Variants in WDR33 observed in about 807,000 individuals in gnomAD.
WDR33 encodes WD repeat domain 33, also known as pre-mRNA 3' end processing protein WDR33.
A neutral mutation model predicts 164.9 loss-of-function variants in WDR33; 47 were observed. The observed-to-expected ratio is 0.29, with a 90% confidence interval of 0.23 to 0.36. WDR33 has a LOEUF of 0.36. WDR33 is among the 10% of genes least tolerant of loss of function. WDR33 has a pLI of 1.00. For synonymous variants in WDR33, 505 were observed against 589.0 expected (o/e 0.86, Z 2.06); for missense variants, 1,137 against 1,754.1 (o/e 0.65, Z 6.28).
chr2:127,796,830 G>C (rs1487882350), intron 1 of WDR33, among the ~76,000 whole-genome samples: 1 of 152,030 alleles, frequency 6.6e-6, no homozygotes, highest in African/African-American at 2.4e-5. Context: ...CTGGTTGTTT[G>C]AATTTTGAAT....
chr2:127,758,574 G>A (rs536454261), intron 7 of WDR33, among the ~76,000 whole-genome samples: 2 of 152,116 alleles, frequency 1.3e-5, no homozygotes, highest in Admixed American at 6.6e-5. Context: ...AAATCAAGAA[G>A]GTAAAACAAA....
rs13021416 is a variant in WDR33, at chr2:127,780,042, C to G, written c.-23-9038G>C. 6.7e-4 allele frequency among the ~76,000 whole-genome samples: 100 copies of G among 149,270 alleles called. 1 individual carries two copies. The highest frequency in any genetic ancestry group is 1.0e-3 in the Non-Finnish European group (70 of 67,710). ...AGGCTAGAGTGCAGTGGTGCGATCT[C>G]GGCTCACTGCAAGCTCCGCCTCCCG... On this transcript the variant is annotated intron_variant, in intron 1 of 21. Transcript: ENST00000322313.
At chr2:127,754,788 C>T (rs1184946359) in intron 7 of WDR33, among the ~76,000 whole-genome samples, 1 of 151,866 alleles carries the variant, frequency 6.6e-6, no homozygotes, top group African/African-American at 2.4e-5. Context: ...TGTCCTATAT[C>T]CTTCTCATCC....
intron 7 of WDR33, among the ~76,000 whole-genome samples, chr2:127,750,040 G>A (rs570773049): frequency 4.0e-5 from 6 of 151,588 alleles, no homozygotes; most frequent in Non-Finnish European, 8.8e-5. Flanking sequence ...TGTGGGGAGG[G>A]AGGGACAGGG....
chr2:127,809,091 C>T (rs1689545613), intron 1 of WDR33, among the ~76,000 whole-genome samples: 1 of 148,696 alleles, frequency 6.7e-6, no homozygotes, highest in Non-Finnish European at 1.5e-5. Flanking sequence ...AAATTTTTCA[C>T]TAATATCTTT....
In WDR33 at chr2:127,763,179, A is replaced by G. The variant is rs1210709210; in HGVS notation, c.627-20T>C. Reference sequence around the variant, plus strand: ...GAGAAACTGTTACATGAAGACACACAGCAGGGGAAAGAAGTCAGCATTTAA... The same window carrying G: ...GAGAAACTGTTACATGAAGACACACGGCAGGGGAAAGAAGTCAGCATTTAA... On this transcript the variant is annotated intron_variant, in intron 6 of 21. Coordinates refer to ENST00000322313, the MANE Select transcript of WDR33 (RefSeq NM_018383.5). This position sits in a 1 kb window ranked among gnomAD's most constrained non-coding sequence, Gnocchi z 4.5. 6.2e-7 allele frequency: 1 copy of G among 1,613,836 alleles called. No homozygotes were observed. The highest frequency in any genetic ancestry group is 8.5e-7 in the Non-Finnish European group (1 of 1,179,842).
chr2:127,724,813 A>C lies in WDR33; in HGVS notation c.1085+74T>G. On this transcript the variant is annotated intron_variant, in intron 10 of 21. Coordinates refer to ENST00000322313, the MANE Select transcript of WDR33 (RefSeq NM_018383.5). This position sits in a 1 kb window ranked among gnomAD's most constrained non-coding sequence, Gnocchi z 4.8. ...TATATGAACACTTAGAAAAGCTACA[A>C]AACTATCATGTCTGCACACATTCAC... 2 of 1,519,606 alleles carry C rather than the reference A, an allele frequency of 1.3e-6. No homozygotes were observed. The highest frequency in any genetic ancestry group is 2.3e-5 in the South Asian group (2 of 88,540). 94.1% of individuals were successfully genotyped at this position (1,519,606 alleles called of 1,614,324 possible).
chr2:127,753,601 A>G lies in WDR33; in HGVS notation c.724+9461T>C, dbSNP rs149574503. Among the ~76,000 whole-genome samples, 104 of 152,352 alleles carry G rather than the reference A, an allele frequency of 6.8e-4. No homozygotes were observed. The East Asian group carries it at 0.02, about 29-fold the overall frequency. ...AAACTGTGACTAACATTCAGCTTCT[A>G]GAGTTTGTGATTGTAATCATATGCA... is the stretch of plus-strand genomic sequence containing the variant. On this transcript the variant is annotated intron_variant, in intron 7 of 21. Coordinates refer to ENST00000322313, the MANE Select transcript of WDR33 (RefSeq NM_018383.5).
chr2:127,772,048 C>CA (rs1688021793), intron 1 of WDR33, among the ~76,000 whole-genome samples: 1 of 152,090 alleles, frequency 6.6e-6, no homozygotes, highest in African/African-American at 2.4e-5. Context: ...AGTCTGGTCT[C>CA]AGACTCTTGG....
intron 18 of WDR33, among the ~76,000 whole-genome samples, chr2:127,711,687 CA>C (rs1380384763): frequency 6.8e-6 from 1 of 147,106 alleles, no homozygotes; most frequent in African/African-American, 2.5e-5. Flanking sequence ...AGCCTGTCAT[CA>C]GCCTTGCTTT....
intron 1 of WDR33, among the ~76,000 whole-genome samples, chr2:127,790,171 T>A (rs992073460): frequency 2.6e-5 from 4 of 152,300 alleles, no homozygotes; most frequent in Non-Finnish European, 5.9e-5. Context: ...CTGGAGTTTG[T>A]CAAATACTTA....
intron 18 of WDR33, among the ~76,000 whole-genome samples, chr2:127,711,868 A>G (rs1424368398): frequency 1.4e-5 from 2 of 148,100 alleles, no homozygotes; most frequent in Non-Finnish European, 3.0e-5. Flanking sequence ...TGCCTCCCAG[A>G]TTCAGACGAT....
chr2:127,797,282 A>C (rs1463315530), intron 1 of WDR33, among the ~76,000 whole-genome samples: 2 of 152,104 alleles, frequency 1.3e-5, no homozygotes, highest in African/African-American at 2.4e-5. Flanking sequence ...TCATGAGGTC[A>C]GAAGTTCGAT....
chr2:127,766,895 C>G (rs1460752551), intron 4 of WDR33, among the ~76,000 whole-genome samples: 1 of 151,904 alleles, frequency 6.6e-6, no homozygotes, highest in East Asian at 1.9e-4. Flanking sequence ...TCAGCCTCCT[C>G]TCTCAGGCAC....
chr2:127,739,244 C>G (rs1347844993), intron 7 of WDR33, among the ~76,000 whole-genome samples: 1 of 152,160 alleles, frequency 6.6e-6, no homozygotes, highest in African/African-American at 2.4e-5. Context: ...ATAAGTTCTT[C>G]AGGAAAATAG....
chr2:127,789,551 C>T (rs1053179043), intron 1 of WDR33, among the ~76,000 whole-genome samples: 2 of 149,424 alleles, frequency 1.3e-5, no homozygotes, highest in Non-Finnish European at 3.0e-5. Flanking sequence ...ACCAGTCAGG[C>T]GTGGCGGCGC....
chr2:127,707,844 A>G (rs1377426974), intron 21 of WDR33, among the ~76,000 whole-genome samples: 1 of 152,214 alleles, frequency 6.6e-6, no homozygotes, highest in African/African-American at 2.4e-5. Context: ...AGTTCCAGCT[A>G]CTGGGGAGAC....
At position 127,708,632 on chromosome 2, in the gene WDR33, C is replaced by A. The variant is rs770680874; in HGVS notation, c.3781+45G>T. ...CAGCAGATACAGGCAAGGCCTCCAT[C>A]GGCCCCTGCATCTCCTGGAACCATA... On this transcript the variant is annotated intron_variant, in intron 21 of 21. Coordinates refer to ENST00000322313, the MANE Select transcript of WDR33 (RefSeq NM_018383.5). This position sits in a 1 kb window ranked among gnomAD's most constrained non-coding sequence, Gnocchi z 6.7. 1.3e-6 allele frequency: 2 copies of A among 1,522,098 alleles called. No homozygotes were observed. The highest frequency in any genetic ancestry group is 2.1e-5 in the Admixed American group (1 of 48,504). The allele number at this position is 1,522,098 out of a possible 1,614,324, so 94.3% of individuals were successfully genotyped here.
At chr2:127,783,460 A>G (rs1398087473) in intron 1 of WDR33, among the ~76,000 whole-genome samples, 2 of 152,184 alleles carry the variant, frequency 1.3e-5, no homozygotes, top group Admixed American at 1.3e-4. Flanking sequence ...CAGCACACAA[A>G]GCAAAAGGGT....
Sources: gnomAD v4.1 joint callset for allele counts (sites outside exome capture counted in the v4.1 genomes callset) on GRCh38, gnomAD v4.1.1 for gene constraint, Gnocchi (gnomAD v3.1) non-coding constraint, MANE v1.5 for transcripts, NCBI Gene and HGNC (gene_info 2026-07-23, HGNC 2026-07-21) for gene names.